The following RARA variants were observed in gnomAD, a reference collection of about 807,000 sequenced individuals.
RARA encodes the protein retinoic acid receptor alpha.
In RARA, 5 loss-of-function variants were observed where a neutral mutation model predicts 42.8. The ratio of observed to expected loss-of-function variants is 0.12; its 90% CI spans 0.06 to 0.25. RARA has a LOEUF of 0.25. Ranked by LOEUF, RARA falls within the 10% of genes least tolerant of loss-of-function variation. RARA has a pLI of 1.00. For synonymous variants in RARA, 256 were observed against 259.5 expected, an observed-to-expected ratio of 0.99 and a Z score of 0.13; for missense variants, 402 against 628.7, an observed-to-expected ratio of 0.64 and a Z score of 3.86.
chr17:40,356,084 A>C lies in RARA; in HGVS notation c.1247A>C (p.Asn416Thr). The C allele has an allele frequency of 7.5e-7, 1 of 1,326,858 alleles. No individual in the cohort carries two copies. Among genetic ancestry groups the C allele is most frequent in the South Asian group, 1.2e-5 (1 of 85,886 alleles). 82.2% of individuals were successfully genotyped at this position (1,326,858 alleles called of 1,614,324 possible). A position where few individuals can be genotyped will look rare whatever the true frequency, so the allele number is the denominator to read the frequency against. The change falls in exon 9 of 9, where the codon AAC becomes ACC. Residue 416 changes from asparagine to threonine, a missense_variant. Physicochemically the swap from Asn to Thr is moderately conservative, Grantham distance 65. This residue lies in a region of RARA where 73 missense variants were observed against 59.8 expected (regional missense o/e 1.22). Transcript: ENST00000254066. ...CCTCTCATCCAGGAAATGTTGGAGA[A>C]CTCAGAGGGCCTGGACACTCTGAGC... ...MPPLIQEMLENSEGLDTLSGQ... is the reference protein window; with the variant it reads ...MPPLIQEMLETSEGLDTLSGQ...
Position 40,357,255 on chromosome 17 carries a change from G to GGGCCGGGGCTGGCCAGC in RARA, c.*1033_*1034insGGGGCTGGCCAGCGGCC, listed in dbSNP as rs1253079231. ...CCCCCACTGTGAAGGGGCTGGCCAG[G>GGGCCGGGGCTGGCCAGC]GGCCCGAGCTGCCCCCACCCCCGGC... On this transcript the variant is annotated 3_prime_UTR_variant, in exon 9 of 9. Transcript: ENST00000254066. 1.3e-5 allele frequency: 3 copies of GGGCCGGGGCTGGCCAGC among 237,194 alleles called. No homozygotes were observed. The highest frequency in any genetic ancestry group is 6.6e-5 in the African/African-American group (3 of 45,458). The allele number at this position is 237,194 out of a possible 1,614,324, so 14.7% of individuals were successfully genotyped here.
chr17:40,354,943 TG>T lies in RARA; in HGVS notation c.1013-318del, dbSNP rs1380609319. Among the ~76,000 whole-genome samples the T allele has an allele frequency of 3.3e-5, 5 of 152,216 alleles. No individual in the cohort carries two copies. The highest frequency in any genetic ancestry group is 7.4e-5 in the Non-Finnish European group (5 of 68,026). On this transcript the variant is annotated intron_variant, in intron 7 of 8. Coordinates refer to ENST00000254066, the MANE Select transcript of RARA (RefSeq NM_000964.4). The surrounding 1 kb of genome is among the most constrained non-coding windows in gnomAD (Gnocchi z 4.5). ...TTGTTGTGATTTCTGCCATTTCATC[TG>T]GTTTCCAGAATAACAGGGGGGAGTG...
intron 2 of RARA, among the ~76,000 whole-genome samples, 197 bp downstream of exon 2, chr17:40,331,593 T>C (rs1436309288): frequency 1.3e-5 from 2 of 152,120 alleles, no homozygotes; most frequent in Non-Finnish European, 2.9e-5. Flanking sequence ...ATGGTGGTTG[T>C]GTTTGAAGTT....
rs1021424927 is a variant in RARA, at chr17:40,341,884, C to G, written c.179-6432C>G. 84 of 1,036,156 alleles carry G rather than the reference C, an allele frequency of 8.1e-5. No individual in the cohort carries two copies. The East Asian group carries it at 2.7e-3, about 33-fold the overall frequency. 64.2% of individuals were successfully genotyped at this position (1,036,156 alleles called of 1,614,324 possible). A position where few individuals can be genotyped will look rare whatever the true frequency, so the allele number is the denominator to read the frequency against. On this transcript the variant is annotated intron_variant, in intron 2 of 8. Coordinates refer to ENST00000254066, the MANE Select transcript of RARA (RefSeq NM_000964.4). ...TCCGTCCTTGTCCCCTCGCAGCCCCCTCCTCTCCCTGTACTCGGCGTCCCT... is the reference window on the plus strand; with the variant it reads ...TCCGTCCTTGTCCCCTCGCAGCCCCGTCCTCTCCCTGTACTCGGCGTCCCT...
Position 40,348,471 on chromosome 17 carries a change from T to TGA in RARA, c.327+8_327+9dup, listed in dbSNP as rs1399591974. 1 of 1,611,064 alleles carries TGA rather than the reference T, an allele frequency of 6.2e-7. No homozygotes were observed. Among genetic ancestry groups the TGA allele is most frequent in the African/African-American group, 1.3e-5 (1 of 74,754 alleles). Reference sequence around the variant, plus strand: ...CGCCTGTGAGGGCTGCAAGGTGAGTTGAAGGGGTCATTGGGAAGGACAGCT... The same window carrying TGA: ...CGCCTGTGAGGGCTGCAAGGTGAGTTGAGAAGGGGTCATTGGGAAGGACAGCT... On this transcript the variant is annotated splice_region_variant and intron_variant, in intron 3 of 8. Coordinates refer to ENST00000254066, the MANE Select transcript of RARA (RefSeq NM_000964.4).
Position 40,315,155 on chromosome 17 carries a change from T to C in RARA, c.-363+5869T>C, listed in dbSNP as rs569021707. 5.7e-4 allele frequency among the ~76,000 whole-genome samples: 76 copies of C among 133,972 alleles called. 3 individuals are homozygous for C. Among genetic ancestry groups the C allele is most frequent in the African/African-American group, 2.1e-3 (74 of 34,798 alleles). The allele number at this position is 133,972 out of a possible 152,430, so 87.9% of individuals were successfully genotyped here. Reference sequence around the variant, plus strand: ...GTGTATATATATATATATATATATATATATATATATATATATACACACACA... The same window carrying C: ...GTGTATATATATATATATATATATACATATATATATATATATACACACACA... On this transcript the variant is annotated intron_variant, in intron 1 of 8. Transcript: ENST00000254066.
chr17:40,343,236 T>G, intron 2 of RARA: 1 of 174,738 alleles, frequency 5.7e-6, no homozygotes, highest in Non-Finnish European at 1.2e-5. Context: ...GTAAAGGTCC[T>G]GTCTGTGTGG....
rs575979696 is a variant in RARA at position 40,310,409 on chromosome 17, T to C, written c.-363+1123T>C. On this transcript the variant is annotated intron_variant, in intron 1 of 8. Transcript: ENST00000254066. ...GGTAGTAGACTGGGGAGGGGGGTGA[T>C]AGAAGAGACTGGTCACACTGAGGGA... 8.6e-5 allele frequency among the ~76,000 whole-genome samples: 13 copies of C among 151,900 alleles called. No individual in the cohort carries two copies. The South Asian group carries it at 2.5e-3, about 29-fold the overall frequency.
intron 4 of RARA, 69 bp downstream of exon 4, chr17:40,349,994 G>C: frequency 6.3e-7 from 1 of 1,584,036 alleles, no homozygotes; most frequent in Non-Finnish European, 8.6e-7. Flanking sequence ...AAGACCAAGG[G>C]AGCAGGGCTC....
chr17:40,314,180 A>AG (rs2033147498), intron 1 of RARA, among the ~76,000 whole-genome samples: 1 of 5,026 alleles, frequency 2.0e-4, no homozygotes, highest in Non-Finnish European at 4.0e-4. Context: ...TGGCGGGTGG[A>AG]GGGGTGGGGT....
At chr17:40,347,354 C>T (rs928009525) in intron 2 of RARA, among the ~76,000 whole-genome samples, 1 of 152,172 alleles carries the variant, frequency 6.6e-6, no homozygotes, top group African/African-American at 2.4e-5. Context: ...TCTTATCTTG[C>T]ACCCAACACC....
At chr17:40,339,832 T>C (rs1004317670) in intron 2 of RARA, among the ~76,000 whole-genome samples, 1 of 152,226 alleles carries the variant, frequency 6.6e-6, no homozygotes, top group East Asian at 1.9e-4. Context: ...CTCAGGTCCC[T>C]TAGCGCCTTG....
intron 1 of RARA, among the ~76,000 whole-genome samples, chr17:40,315,551 G>A (rs1345173526): frequency 1.3e-5 from 2 of 152,160 alleles, no homozygotes; most frequent in East Asian, 3.9e-4. Flanking sequence ...GAGGGGAAGA[G>A]GAGTCAGCTG....
intron 1 of RARA, among the ~76,000 whole-genome samples, chr17:40,327,480 A>G (rs2033579057): frequency 6.6e-6 from 1 of 152,234 alleles, no homozygotes; most frequent in Non-Finnish European, 1.5e-5. Flanking sequence ...TGGCAGAAGC[A>G]GCAGGTACAA....
At chr17:40,348,858 T>G (rs2034354451) in intron 3 of RARA, 1 of 168,956 alleles carries the variant, frequency 5.9e-6, no homozygotes, top group Non-Finnish European at 1.3e-5. Context: ...AGGAGGCAGT[T>G]AGGAGCAGGC....
rs971560663 is a variant in RARA, at chr17:40,351,317, C to T, written c.470-593C>T. The T allele has an allele frequency of 9.8e-5, 22 of 225,022 alleles. No individual in the cohort carries two copies. The highest frequency in any genetic ancestry group is 4.8e-5 in the African/African-American group (2 of 41,370). 13.9% of individuals were successfully genotyped at this position (225,022 alleles called of 1,614,324 possible). Reference sequence around the variant, plus strand: ...GTGAGTGATTGTGTGTCTGGATAATCGGCTGGTAACGACCCCATCGCTTCT... The same window carrying T: ...GTGAGTGATTGTGTGTCTGGATAATTGGCTGGTAACGACCCCATCGCTTCT... On this transcript the variant is annotated intron_variant, in intron 4 of 8. Transcript: ENST00000254066. This position sits in a 1 kb window ranked among gnomAD's most constrained non-coding sequence, Gnocchi z 4.1.
chr17:40,344,356 G>T (rs935987877), intron 2 of RARA, among the ~76,000 whole-genome samples: 2 of 152,092 alleles, frequency 1.3e-5, no homozygotes, highest in Non-Finnish European at 2.9e-5. Flanking sequence ...GATGACTCTA[G>T]GACCCTTTTT....
intron 1 of RARA, among the ~76,000 whole-genome samples, chr17:40,325,625 C>T (rs1045146847): frequency 3.9e-5 from 6 of 152,362 alleles, no homozygotes; most frequent in South Asian, 2.1e-4. Context: ...GGTCCAAAGG[C>T]GGCAGGGCTT....
intron 1 of RARA, among the ~76,000 whole-genome samples, chr17:40,313,735 A>G (rs912997683): frequency 6.6e-5 from 10 of 151,966 alleles, no homozygotes; most frequent in African/African-American, 9.7e-5. Flanking sequence ...CAACGCACCA[A>G]GCAAGTCATG....
Sources: gnomAD v4.1 joint callset for allele counts (sites outside exome capture counted in the v4.1 genomes callset) on GRCh38, gnomAD v4.1.1 for gene constraint, gnomAD v4.1.1 regional missense constraint, Gnocchi (gnomAD v3.1) non-coding constraint, MANE v1.5 for transcripts, NCBI Gene and HGNC (gene_info 2026-07-23, HGNC 2026-07-21) for gene names.